Variants in CTNNA3 observed in about 807,000 individuals in gnomAD.
CTNNA3 encodes the protein catenin alpha-3.
Under a neutral mutation model 95.7 loss-of-function variants are expected in CTNNA3, and 76 were observed. The observed-to-expected ratio is 0.79, with a 90% CI of 0.66 to 0.96. CTNNA3 has a LOEUF of 0.96. Among genes scored for constraint, CTNNA3 ranks in the 40% least tolerant of loss-of-function variants. CTNNA3 has a pLI of 0.00. For synonymous variants in CTNNA3, 431 were observed against 374.4 expected (o/e 1.15, Z -1.74); for missense variants, 1,191 against 1,089.8 (o/e 1.09, Z -1.31).
intron 7 of CTNNA3, among the ~76,000 whole-genome samples, chr10:67,025,157 G>A (rs538974711): frequency 2.9e-4 from 43 of 148,198 alleles, no homozygotes; most frequent in African/African-American, 9.6e-4. Flanking sequence ...AGAAAGAAAG[G>A]AAGGAAGGAA....
intron 12 of CTNNA3, among the ~76,000 whole-genome samples, chr10:66,315,289 A>C (rs1207156452): frequency 6.6e-6 from 1 of 152,086 alleles, no homozygotes; most frequent in African/African-American, 2.4e-5. Flanking sequence ...CTTCATTATT[A>C]ATAATGACAG....
At chr10:66,272,518 A>G (rs764275625) in intron 13 of CTNNA3, among the ~76,000 whole-genome samples, 1 of 152,102 alleles carries the variant, frequency 6.6e-6, no homozygotes, top group Non-Finnish European at 1.5e-5. Context: ...ACAGGGAACT[A>G]TGATCATTAG....
intron 3 of CTNNA3, among the ~76,000 whole-genome samples, chr10:67,558,642 C>A (rs1414660621): frequency 1.3e-5 from 2 of 152,206 alleles, no homozygotes; most frequent in Admixed American, 1.3e-4. Flanking sequence ...GGGCACAGGA[C>A]AGTGGGTGCA....
intron 7 of CTNNA3, among the ~76,000 whole-genome samples, chr10:66,817,346 A>T (rs1842129846): frequency 1.3e-5 from 2 of 151,996 alleles, no homozygotes; most frequent in Admixed American, 6.5e-5. Flanking sequence ...AGGATAAAAA[A>T]CCTACAGATA....
intron 11 of CTNNA3, among the ~76,000 whole-genome samples, chr10:66,487,554 C>T (rs1465499104): frequency 4.6e-5 from 7 of 151,978 alleles, no homozygotes; most frequent in Admixed American, 4.6e-4. Flanking sequence ...AGTGTCCCCA[C>T]TCCCCAGCCG....
intron 5 of CTNNA3, among the ~76,000 whole-genome samples, chr10:67,478,425 C>A (rs933324866): frequency 1.3e-5 from 2 of 152,158 alleles, no homozygotes; most frequent in Non-Finnish European, 2.9e-5. Context: ...ATCAGGCTAA[C>A]AGCAGACTTC....
chr10:67,545,546 C>T (rs1472736804), intron 3 of CTNNA3, among the ~76,000 whole-genome samples: 1 of 151,830 alleles, frequency 6.6e-6, no homozygotes, highest in Non-Finnish European at 1.5e-5. Flanking sequence ...GCTTTAGAGA[C>T]ATTCAGTAAA....
At chr10:67,463,159 C>T (rs117294402) in intron 5 of CTNNA3, among the ~76,000 whole-genome samples, 17 of 152,096 alleles carry the variant, frequency 1.1e-4, no homozygotes, top group Admixed American at 9.2e-4. Flanking sequence ...CCCACCTTGA[C>T]CTCCTAAAGT....
At chr10:66,522,322 T>C (rs1324131016) in intron 10 of CTNNA3, among the ~76,000 whole-genome samples, 1 of 152,146 alleles carries the variant, frequency 6.6e-6, no homozygotes, top group East Asian at 1.9e-4. Flanking sequence ...GAGTTTATGT[T>C]GCCTTTCATA....
chr10:66,266,454 T>G (rs988930465), intron 13 of CTNNA3, among the ~76,000 whole-genome samples: 2 of 152,028 alleles, frequency 1.3e-5, no homozygotes, highest in Admixed American at 1.3e-4. Context: ...AAAATTATTC[T>G]CTATGCATTA....
chr10:67,605,148 C>A (rs937701018), intron 3 of CTNNA3, among the ~76,000 whole-genome samples: 1 of 152,092 alleles, frequency 6.6e-6, no homozygotes, highest in African/African-American at 2.4e-5. Context: ...AAGCATCCAT[C>A]AACAGATGAA....
chr10:66,375,617 C>T (rs561146022), intron 12 of CTNNA3, among the ~76,000 whole-genome samples: 1 of 150,686 alleles, frequency 6.6e-6, no homozygotes, highest in East Asian at 2.0e-4. Flanking sequence ...TTTAATCAAG[C>T]TACAAAATGC....
At chr10:67,485,342 G>A (rs1848402699) in intron 5 of CTNNA3, among the ~76,000 whole-genome samples, 1 of 152,156 alleles carries the variant, frequency 6.6e-6, no homozygotes, top group Non-Finnish European at 1.5e-5. Context: ...GGAACTACTA[G>A]AGGTTAGAGG....
At chr10:67,473,068 T>A (rs1847886097) in intron 5 of CTNNA3, among the ~76,000 whole-genome samples, 1 of 152,238 alleles carries the variant, frequency 6.6e-6, no homozygotes, top group African/African-American at 2.4e-5. Context: ...TATCTTTAAA[T>A]GTTGTAACCT....
intron 5 of CTNNA3, among the ~76,000 whole-genome samples, chr10:67,475,124 G>A (rs940500243): frequency 2.6e-5 from 4 of 152,058 alleles, no homozygotes; most frequent in African/African-American, 9.7e-5. Context: ...CAAACAACTG[G>A]ATGAATCCTA....
At chr10:66,330,004 A>C (rs1389485218) in intron 12 of CTNNA3, among the ~76,000 whole-genome samples, 1 of 152,146 alleles carries the variant, frequency 6.6e-6, no homozygotes, top group Non-Finnish European at 1.5e-5. Flanking sequence ...CAAGCTCAAA[A>C]AATAAAATAT....
intron 10 of CTNNA3, among the ~76,000 whole-genome samples, chr10:66,524,462 G>T (rs1207729665): frequency 2.6e-5 from 4 of 152,122 alleles, no homozygotes; most frequent in Non-Finnish European, 5.9e-5. Flanking sequence ...CACTATTTAG[G>T]TCATAGGCAG....
At chr10:66,625,047 C>A (rs1844885158) in intron 9 of CTNNA3, among the ~76,000 whole-genome samples, 2 of 152,048 alleles carry the variant, frequency 1.3e-5, no homozygotes, top group South Asian at 4.1e-4. Flanking sequence ...AATGTTCTTT[C>A]ATTTTTATGA....
At chr10:67,560,875 TC>T (rs921468106) in intron 3 of CTNNA3, among the ~76,000 whole-genome samples, 25 of 152,058 alleles carry the variant, frequency 1.6e-4, no homozygotes, top group African/African-American at 5.3e-4. Flanking sequence ...TGAAAAAAGA[TC>T]AAAAGAGACA....
Sources: gnomAD v4.1 joint callset for allele counts (sites outside exome capture counted in the v4.1 genomes callset) on GRCh38, gnomAD v4.1.1 for gene constraint, MANE v1.5 for transcripts, NCBI Gene and HGNC (gene_info 2026-07-23, HGNC 2026-07-21) for gene names.